Variants in TRIP4 observed in about 807,000 individuals in gnomAD.
The protein encoded by TRIP4 is thyroid hormone receptor interactor 4, also known as activating signal cointegrator 1.
TRIP4 carries 54 observed loss-of-function variants against 81.8 expected under a neutral mutation model. That is an observed-to-expected ratio of 0.66 (90% confidence interval 0.53 to 0.83). The LOEUF (loss-of-function observed/expected upper bound fraction) is 0.83. Among genes scored for constraint, TRIP4 ranks in the 40% least tolerant of loss-of-function variants. TRIP4 has a pLI of 0.00. For synonymous variants in TRIP4, 270 were observed against 242.8 expected, an observed-to-expected ratio of 1.11 and a Z score of -1.04; for missense variants, 662 against 683.6, an observed-to-expected ratio of 0.97 and a Z score of 0.35.
intron 9 of TRIP4, among the ~76,000 whole-genome samples, chr15:64,422,640 A>G (rs1026805644): frequency 6.6e-6 from 1 of 152,232 alleles, no homozygotes; most frequent in Non-Finnish European, 1.5e-5. Context: ...CAAAGTAGAA[A>G]ACTAAACAAC....
intron 6 of TRIP4, among the ~76,000 whole-genome samples, chr15:64,406,687 C>A (rs942640525): frequency 6.6e-6 from 1 of 152,172 alleles, no homozygotes; most frequent in Non-Finnish European, 1.5e-5. Flanking sequence ...TGATTCCTGA[C>A]AAATGTTAGT....
At chr15:64,433,493 A>T (rs1203537210) in intron 11 of TRIP4, among the ~76,000 whole-genome samples, 1 of 152,180 alleles carries the variant, frequency 6.6e-6, no homozygotes, top group Non-Finnish European at 1.5e-5. Flanking sequence ...AATCCCAGCC[A>T]CTTGGGAGGC....
rs115091251 is a variant in TRIP4 at position 64,396,753 on chromosome 15, G to A, written c.406-853G>A. 3.2e-3 allele frequency among the ~76,000 whole-genome samples: 491 copies of A among 152,138 alleles called. 1 individual carries two copies. Among genetic ancestry groups the A allele is most frequent in the African/African-American group, 0.011 (471 of 41,500 alleles). On this transcript the variant is annotated intron_variant, in intron 3 of 12. Transcript: ENST00000261884. ...GTGAACATTCTTGTATGTATTTTTGGTGAACATATTTACACATTTCTGTTT... is the reference window on the plus strand; with the variant it reads ...GTGAACATTCTTGTATGTATTTTTGATGAACATATTTACACATTTCTGTTT...
chr15:64,431,847 A>ATATATTTTTT, intron 11 of TRIP4, among the ~76,000 whole-genome samples: 20 of 119,550 alleles, frequency 1.7e-4, no homozygotes, highest in Middle Eastern at 9.2e-3. Context: ...ATATATATAT[A>ATATATTTTTT]TTTTTTTTAT....
chr15:64,388,422 T>G (rs994764536), intron 1 of TRIP4, among the ~76,000 whole-genome samples: 6 of 152,340 alleles, frequency 3.9e-5, no homozygotes, highest in East Asian at 3.9e-4. Context: ...TTCACCTGCC[T>G]GAGCCTCCCA....
chr15:64,392,241 T>A (rs1900157551), intron 1 of TRIP4, among the ~76,000 whole-genome samples: 2 of 151,954 alleles, frequency 1.3e-5, no homozygotes, highest in South Asian at 4.1e-4. Flanking sequence ...GAGTTTGCAG[T>A]GAGCTGAGAT....
intron 7 of TRIP4, among the ~76,000 whole-genome samples, chr15:64,412,973 A>T (rs1271811711): frequency 1.3e-5 from 2 of 152,160 alleles, no homozygotes; most frequent in African/African-American, 4.8e-5. Flanking sequence ...GATTGTTTAG[A>T]TAGTGGGTAC....
chr15:64,455,036 G>A lies in TRIP4; in HGVS notation c.1718G>A (p.Gly573Glu). The A allele has an allele frequency of 6.2e-7, 1 of 1,614,074 alleles. No homozygotes were observed. Among genetic ancestry groups the A allele is most frequent in the South Asian group, 1.1e-5 (1 of 91,084 alleles). ...DSKIHQGAKK[G>E]LMKQNKAV ...AAGATCCATCAAGGAGCAAAGAAGG[G>A]GTTAATGAAGCAGAATAAAGCTGTC... is the stretch of plus-strand genomic sequence containing the variant. The change falls in exon 13 of 13, where the codon GGG (glycine) becomes GAG (glutamate). Residue 573 changes from glycine (G) to glutamate (E), a missense_variant. Physicochemically the swap from Gly to Glu is moderately conservative, Grantham distance 98 (BLOSUM62 -2). Transcript: ENST00000261884.
intron 2 of TRIP4, among the ~76,000 whole-genome samples, chr15:64,394,715 G>A (rs1344065228): frequency 2.0e-5 from 3 of 151,916 alleles, no homozygotes; most frequent in East Asian, 1.9e-4. Context: ...TTTTTCAGTC[G>A]TGCATACCTG....
intron 5 of TRIP4, among the ~76,000 whole-genome samples, chr15:64,403,009 G>T (rs1004687733): frequency 6.6e-6 from 1 of 151,376 alleles, no homozygotes; most frequent in Non-Finnish European, 1.5e-5. Context: ...GGCGACGCCC[G>T]CCACCATGCC....
rs369474111 is a variant in TRIP4 at position 64,405,243 on chromosome 15, G to A, written c.698-1087G>A. 2.3e-4 allele frequency among the ~76,000 whole-genome samples: 35 copies of A among 150,348 alleles called. No homozygotes were observed. In the East Asian group the frequency reaches 2.4e-3, roughly 10 times the overall value. On this transcript the variant is annotated intron_variant, in intron 5 of 12. Transcript: ENST00000261884. ...GGTCTCGGCTCACTGTAAGCTCAGC[G>A]TCCCAGGTTCATGCCATTGTCCTGC...
intron 3 of TRIP4, among the ~76,000 whole-genome samples, chr15:64,396,635 T>C (rs1900304120): frequency 1.3e-5 from 2 of 152,236 alleles, no homozygotes; most frequent in Non-Finnish European, 1.5e-5. Context: ...AGCTATACTT[T>C]CTCATTCTCA....
At chr15:64,396,714 A>G (rs374524411) in intron 3 of TRIP4, among the ~76,000 whole-genome samples, 8 of 152,216 alleles carry the variant, frequency 5.3e-5, no homozygotes, top group Non-Finnish European at 1.2e-4. Flanking sequence ...ATAGTTTCCA[A>G]TTCCAATGCA....
At chr15:64,424,214 ATCT>A in intron 10 of TRIP4, 59 bp downstream of exon 10, 2 of 1,599,808 alleles carry the variant, frequency 1.3e-6, no homozygotes, top group Non-Finnish European at 1.7e-6. Flanking sequence ...ATTGACGTTC[ATCT>A]TCTTTCACTT....
At chr15:64,396,657 A>G (rs1484596929) in intron 3 of TRIP4, among the ~76,000 whole-genome samples, 3 of 152,220 alleles carry the variant, frequency 2.0e-5, no homozygotes, top group Non-Finnish European at 4.4e-5. Context: ...TGCTACACAG[A>G]ATTGTATTAA....
chr15:64,399,655 C>A (rs1473938816), intron 4 of TRIP4, among the ~76,000 whole-genome samples: 1 of 152,060 alleles, frequency 6.6e-6, no homozygotes, highest in African/African-American at 2.4e-5. Context: ...GTGCCCACTA[C>A]CACGCCCAGC....
intron 11 of TRIP4, among the ~76,000 whole-genome samples, chr15:64,431,239 C>T (rs1374734476): frequency 6.6e-6 from 1 of 152,050 alleles, no homozygotes; most frequent in African/African-American, 2.4e-5. Flanking sequence ...AATATATAGA[C>T]CTCAAAATAT....
At chr15:64,411,978 C>T (rs1241214800) in intron 7 of TRIP4, among the ~76,000 whole-genome samples, 2 of 152,142 alleles carry the variant, frequency 1.3e-5, no homozygotes, top group Non-Finnish European at 2.9e-5. Context: ...CTGCGCCCGG[C>T]ACTAAATTGT....
rs781549467 is a variant in TRIP4 at position 64,414,114 on chromosome 15, A to G, written c.1073A>G (p.Asn358Ser). 6.8e-6 allele frequency: 11 copies of G among 1,614,000 alleles called. No homozygotes were observed. The highest frequency in any genetic ancestry group is 1.7e-5 in the Admixed American group (1 of 59,986). ...RLDETIQAIANGTLNQPLTKL... is the reference protein window; with the variant it reads ...RLDETIQAIASGTLNQPLTKL... ...GATGAGACAATACAGGCCATTGCCA[A>G]TGGAACCTTGAACCAGCCACTGACC... The change falls in exon 8 of 13, where the codon AAT (asparagine) becomes AGT (serine). Residue 358 changes from asparagine to serine, a missense_variant. Asn to Ser is a conservative substitution (Grantham distance 46). Transcript: ENST00000261884.
Sources: allele counts gnomAD v4.1 joint callset (sites outside exome capture counted in the v4.1 genomes callset), GRCh38; gene constraint gnomAD v4.1.1; transcripts MANE v1.5; gene names NCBI Gene and HGNC (gene_info 2026-07-23, HGNC 2026-07-21).